The following ERMAP variants were observed in gnomAD, a reference collection of about 807,000 sequenced individuals.
The protein encoded by ERMAP is erythroid membrane-associated protein.
A neutral mutation model predicts 49.5 loss-of-function variants in ERMAP; 34 were observed. The ratio of observed to expected loss-of-function variants is 0.69; its 90% CI spans 0.52 to 0.91. The LOEUF is 0.91. ERMAP is among the 40% of genes least tolerant of loss of function. The pLI is 0.00. For synonymous variants in ERMAP, 214 were observed against 232.2 expected, an observed-to-expected ratio of 0.92 and a Z score of 0.71; for missense variants, 541 against 582.6, an observed-to-expected ratio of 0.93 and a Z score of 0.74.
At chr1:42,838,992 G>GTT (rs1654982423) in intron 8 of ERMAP, 71 bp downstream of exon 8, 1 of 1,612,976 alleles carries the variant, frequency 6.2e-7, no homozygotes, top group East Asian at 2.2e-5. Context: ...GAGCATCTCA[G>GTT]TTTCACTTCC....
chr1:42,840,506 C>T (rs1041880280), intron 11 of ERMAP, among the ~76,000 whole-genome samples: 3 of 152,168 alleles, frequency 2.0e-5, no homozygotes, highest in Non-Finnish European at 4.4e-5. Flanking sequence ...TTTTAGAGCA[C>T]TGATAATATT....
chr1:42,837,377 G>A (rs545484769), intron 7 of ERMAP, among the ~76,000 whole-genome samples, 187 bp downstream of exon 7: 87 of 152,200 alleles, frequency 5.7e-4, no homozygotes, highest in African/African-American at 2.0e-3. Flanking sequence ...TTGTGGCAGT[G>A]GGTAAGGAGG....
intron 5 of ERMAP, 94 bp from the exon 6 acceptor site, chr1:42,835,638 G>A (rs1308797810): frequency 6.5e-7 from 1 of 1,540,248 alleles, no homozygotes; most frequent in Admixed American, 1.9e-5. Context: ...CAAGGAGTCA[G>A]TCCTACTCAG....
intron 1 of ERMAP, 109 bp downstream of exon 1, chr1:42,817,362 A>T: frequency 2.9e-6 from 2 of 699,646 alleles, no homozygotes; most frequent in Non-Finnish European, 3.7e-6. Flanking sequence ...GAGCGCCAGG[A>T]GGCTTCCGCC....
chr1:42,820,534 G>GT (rs1654379571), intron 1 of ERMAP, among the ~76,000 whole-genome samples: 1 of 151,510 alleles, frequency 6.6e-6, no homozygotes, highest in Admixed American at 6.6e-5. Context: ...CAGTTTCCCT[G>GT]TTTTTAAATT....
At chr1:42,833,200 C>T (rs4660671) in intron 4 of ERMAP, among the ~76,000 whole-genome samples, 17,156 of 152,174 alleles carry the variant, frequency 0.11, 1,157 homozygotes, top group East Asian at 0.29. Context: ...CCTACCCTAG[C>T]AGGAACTTTT....
At chr1:42,838,703 C>T (rs940227288) in intron 7 of ERMAP, among the ~76,000 whole-genome samples, 198 bp from the exon 8 acceptor site, 4 of 152,298 alleles carry the variant, frequency 2.6e-5, no homozygotes, top group Middle Eastern at 3.4e-3. Flanking sequence ...AAGTCCCGGG[C>T]AGGCTGGGTC....
intron 8 of ERMAP, 64 bp downstream of exon 8, chr1:42,838,985 C>T: frequency 1.2e-6 from 2 of 1,613,434 alleles, no homozygotes; most frequent in Non-Finnish European, 1.7e-6. Flanking sequence ...TTGGGATGAG[C>T]ATCTCAGTTT....
At chr1:42,837,229 C>T in intron 7 of ERMAP, 39 bp downstream of exon 7, 1 of 1,590,938 alleles carries the variant, frequency 6.3e-7, no homozygotes, top group Non-Finnish European at 8.6e-7. Context: ...GAACAAAAAA[C>T]ACATTCTTTA....
At position 42,844,318 on chromosome 1, in the gene ERMAP, C is replaced by T. The variant is rs1655153095; in HGVS notation, c.*1086C>T. Reference sequence around the variant, plus strand: ...TCGCTTTCAAGTCACATCATATATGCGATCTGGCCTAACCATGGAGATATT... The same window carrying T: ...TCGCTTTCAAGTCACATCATATATGTGATCTGGCCTAACCATGGAGATATT... On this transcript the variant is annotated 3_prime_UTR_variant, in exon 12 of 12. Coordinates refer to ENST00000372517, the MANE Select transcript of ERMAP (RefSeq NM_001017922.2). This position sits in a 1 kb window ranked among gnomAD's most constrained non-coding sequence, Gnocchi z 4.0. 1.0e-5 allele frequency: 4 copies of T among 391,250 alleles called. No individual in the cohort carries two copies. The highest frequency in any genetic ancestry group is 4.1e-5 in the African/African-American group (2 of 48,460). The allele number at this position is 391,250 out of a possible 1,614,324, so 24.2% of individuals were successfully genotyped here.
At position 42,844,477 on chromosome 1, in the gene ERMAP, G is replaced by A. The variant is rs1655157081; in HGVS notation, c.*1245G>A. On this transcript the variant is annotated 3_prime_UTR_variant, in exon 12 of 12. Transcript: ENST00000372517. This position sits in a 1 kb window ranked among gnomAD's most constrained non-coding sequence, Gnocchi z 4.0. ...AACAGAATCAATATATATTGGGGCA[G>A]GGGGGCGGTGGTTATTATAAGGAAT... is the stretch of plus-strand genomic sequence containing the variant. The A allele has an allele frequency of 1.1e-5, 2 of 177,420 alleles. No individual in the cohort carries two copies. Among genetic ancestry groups the A allele is most frequent in the East Asian group, 2.8e-4 (2 of 7,084 alleles). 11.0% of individuals were successfully genotyped at this position (177,420 alleles called of 1,614,324 possible). A position where few individuals can be genotyped will look rare whatever the true frequency, so the allele number is the denominator to read the frequency against.
At chr1:42,830,375 C>G in intron 2 of ERMAP, 69 bp from the exon 3 acceptor site, 1 of 1,414,842 alleles carries the variant, frequency 7.1e-7, no homozygotes, top group East Asian at 2.3e-5. Context: ...GGCCTCGGCT[C>G]CTGGGTTATA....
At chr1:42,822,753 T>C (rs1654436278) in intron 1 of ERMAP, among the ~76,000 whole-genome samples, 1 of 152,216 alleles carries the variant, frequency 6.6e-6, no homozygotes, top group South Asian at 2.1e-4. Context: ...ATTGAACAAA[T>C]CTCTCCCTAT....
At chr1:42,818,762 C>T (rs1481587103) in intron 1 of ERMAP, among the ~76,000 whole-genome samples, 3 of 151,814 alleles carry the variant, frequency 2.0e-5, no homozygotes, top group African/African-American at 7.2e-5. Flanking sequence ...TGAGCAATTG[C>T]GCCCAGCTTT....
Position 42,831,108 on chromosome 1 carries a change from G to A in ERMAP, c.426G>A (p.Gln142=), listed in dbSNP as rs1341782399. 1 of 1,613,936 alleles carries A rather than the reference G, an allele frequency of 6.2e-7. No individual in the cohort carries two copies. The highest frequency in any genetic ancestry group is 2.2e-5 in the East Asian group (1 of 44,888). ...GTAAAGAGGACACCGTGATCCTGCAGGTTGCAGGTTAGAATGGGTTTGAGG... is the reference window on the plus strand; with the variant it reads ...GTAAAGAGGACACCGTGATCCTGCAAGTTGCAGGTTAGAATGGGTTTGAGG... ...NLSKEDTVIL[Q]VAAPSVGSLS... The change falls in exon 4 of 12, where the codon CAG becomes CAA. Residue 142 remains glutamine (Q), a synonymous_variant. Coordinates refer to ENST00000372517, the MANE Select transcript of ERMAP (RefSeq NM_001017922.2).
intron 1 of ERMAP, chr1:42,817,873 C>T (rs1217599658): frequency 1.3e-5 from 2 of 152,212 alleles, no homozygotes; most frequent in Admixed American, 6.5e-5. Context: ...TTTGGGCTTA[C>T]TATATTCCAG....
In ERMAP at chr1:42,842,838, C is replaced by T. The variant is rs757216535; in HGVS notation, c.1034C>T (p.Pro345Leu). 8.1e-6 allele frequency: 13 copies of T among 1,614,042 alleles called. No individual in the cohort carries two copies. Among genetic ancestry groups the T allele is most frequent in the South Asian group, 4.4e-5 (4 of 91,084 alleles). ...AATGAGTATGAAGCTCTCACATCCC[C>T]GCAGACCTCCTTCCGCCTTAAAGAG... is the stretch of plus-strand genomic sequence containing the variant. ...RGNEYEALTS[P>L]QTSFRLKEPP... The change falls in exon 12 of 12, where the codon CCG (proline) becomes CTG (leucine). Residue 345 changes from proline to leucine, a missense_variant. Physicochemically the swap from Pro to Leu is moderately conservative, Grantham distance 98 (BLOSUM62 -3). Transcript: ENST00000372517.
At chr1:42,817,290 C>G (rs775964209) in intron 1 of ERMAP, 37 bp downstream of exon 1, 57 of 1,213,392 alleles carry the variant, frequency 4.7e-5, no homozygotes, top group Non-Finnish European at 6.0e-5. Flanking sequence ...GGACCCAGCG[C>G]TGCCTGCCCA....
intron 4 of ERMAP, among the ~76,000 whole-genome samples, chr1:42,831,811 C>T (rs138811633): frequency 6.6e-6 from 1 of 151,792 alleles, no homozygotes; most frequent in African/African-American, 2.4e-5. Flanking sequence ...GTTTCCAATC[C>T]AGCAATCCTC....
Sources: allele counts gnomAD v4.1 joint callset (sites outside exome capture counted in the v4.1 genomes callset), GRCh38; gene constraint gnomAD v4.1.1; non-coding constraint Gnocchi (gnomAD v3.1); transcripts MANE v1.5; gene names NCBI Gene and HGNC (gene_info 2026-07-23, HGNC 2026-07-21).